The following PARD3B variants were observed in gnomAD, a reference collection of about 807,000 sequenced individuals.
PARD3B encodes partitioning defective 3 homolog B.
PARD3B carries 103 observed loss-of-function variants against 130.2 expected under a neutral mutation model. The observed-to-expected ratio is 0.79, with a 90% confidence interval of 0.67 to 0.93. The LOEUF (loss-of-function observed/expected upper bound fraction) is 0.93. Ranked by LOEUF, PARD3B falls within the 40% of genes least tolerant of loss-of-function variation. PARD3B has a pLI of 0.00. For synonymous variants in PARD3B, 583 were observed against 553.2 expected, an observed-to-expected ratio of 1.05 and a Z score of -0.76; for missense variants, 1,609 against 1,499.2, an observed-to-expected ratio of 1.07 and a Z score of -1.21.
At chr2:204,807,601 C>A (rs2042817862) in intron 2 of PARD3B, among the ~76,000 whole-genome samples, 1 of 152,028 alleles carries the variant, frequency 6.6e-6, no homozygotes, top group Non-Finnish European at 1.5e-5. Context: ...CCCAAGGATT[C>A]ATCAACGGAT....
intron 2 of PARD3B, among the ~76,000 whole-genome samples, chr2:204,860,062 C>G (rs115418749): frequency 6.6e-6 from 1 of 152,044 alleles, no homozygotes; most frequent in African/African-American, 2.4e-5. Context: ...TGTAGAAATA[C>G]GGATTGTTTT....
intron 1 of PARD3B, among the ~76,000 whole-genome samples, chr2:204,561,889 G>A (rs779674757): frequency 1.3e-5 from 2 of 151,994 alleles, no homozygotes; most frequent in Non-Finnish European, 2.9e-5. Context: ...GAGTCACCGC[G>A]CCCGGCCATC....
At chr2:204,977,736 C>T (rs1053946385) in intron 3 of PARD3B, among the ~76,000 whole-genome samples, 4 of 136,602 alleles carry the variant, frequency 2.9e-5, no homozygotes, top group East Asian at 4.6e-4. Context: ...GGCGTGAGCC[C>T]GGGAGGCGGA....
chr2:204,744,871 A>G (rs1277286099), intron 2 of PARD3B, among the ~76,000 whole-genome samples: 1 of 152,192 alleles, frequency 6.6e-6, no homozygotes, highest in Non-Finnish European at 1.5e-5. Context: ...GTACCACTCT[A>G]ACCCATTCCC....
chr2:205,255,084 TCA>T (rs1210800359), intron 16 of PARD3B, among the ~76,000 whole-genome samples: 1 of 152,014 alleles, frequency 6.6e-6, no homozygotes, highest in Non-Finnish European at 1.5e-5. Context: ...TCCCAGCTAG[TCA>T]CAGTTACTCT....
intron 15 of PARD3B, among the ~76,000 whole-genome samples, chr2:205,227,236 T>C (rs2038603840): frequency 6.6e-6 from 1 of 152,158 alleles, no homozygotes; most frequent in Non-Finnish European, 1.5e-5. Flanking sequence ...TGTTTGTTGA[T>C]TTTTCTGTCT....
intron 2 of PARD3B, among the ~76,000 whole-genome samples, chr2:204,866,204 C>T (rs1174517821): frequency 6.6e-6 from 1 of 152,184 alleles, no homozygotes; most frequent in Non-Finnish European, 1.5e-5. Flanking sequence ...CAAGATGTGG[C>T]ATGGTAGAAT....
chr2:205,433,179 A>C (rs1189590555), intron 19 of PARD3B, among the ~76,000 whole-genome samples: 2 of 152,230 alleles, frequency 1.3e-5, no homozygotes, highest in Non-Finnish European at 2.9e-5. Context: ...TTGTTAGTTT[A>C]TAAAAGGTAT....
At chr2:204,845,647 C>A (rs1160624705) in intron 2 of PARD3B, among the ~76,000 whole-genome samples, 1 of 152,048 alleles carries the variant, frequency 6.6e-6, no homozygotes, top group Non-Finnish European at 1.5e-5. Context: ...TGGCTGATTT[C>A]TTTCAATTCT....
intron 21 of PARD3B, among the ~76,000 whole-genome samples, chr2:205,542,082 G>C (rs1157284175): frequency 7.1e-6 from 1 of 140,196 alleles, no homozygotes. Context: ...GGCGGAGGTT[G>C]CAGTAAGCTG....
rs1267887334 is a variant in PARD3B, at chr2:205,592,722, G to A, written c.3261-22734G>A. Among the ~76,000 whole-genome samples, 2 of 152,188 alleles carry A rather than the reference G, an allele frequency of 1.3e-5. No individual in the cohort carries two copies. The highest frequency in any genetic ancestry group is 2.9e-5 in the Non-Finnish European group (2 of 68,036). ...AGATGATTACTCAGTTAGCTCATAGGAGGGGCATCTGATTCAGAAGTAAAG... is the reference window on the plus strand; with the variant it reads ...AGATGATTACTCAGTTAGCTCATAGAAGGGGCATCTGATTCAGAAGTAAAG... On this transcript the variant is annotated intron_variant, in intron 22 of 22. Transcript: ENST00000406610. The surrounding 1 kb of genome is among the most constrained non-coding windows in gnomAD (Gnocchi z 4.5).
At chr2:205,504,296 G>GA (rs1309513284) in intron 21 of PARD3B, among the ~76,000 whole-genome samples, 1 of 152,130 alleles carries the variant, frequency 6.6e-6, no homozygotes, top group Admixed American at 6.5e-5. Context: ...AACCCTAGAA[G>GA]AAAACCTAGG....
rs140338813 is a variant in PARD3B, at chr2:204,621,251, G to A, written c.121-64930G>A. On this transcript the variant is annotated intron_variant, in intron 1 of 22. Coordinates refer to ENST00000406610, the MANE Select transcript of PARD3B (RefSeq NM_001302769.2). The stretch of plus-strand genomic sequence containing the variant: ...ACTGTCAAAAGGTTGGGGTTAGGAC[G>A]ACAAAACTTCTAACGCAATGCAGGA... Among the ~76,000 whole-genome samples the A allele has an allele frequency of 2.1e-3, 321 of 152,116 alleles. 1 individual carries two copies. The highest frequency in any genetic ancestry group is 6.8e-3 in the Middle Eastern group (2 of 294).
intron 2 of PARD3B, among the ~76,000 whole-genome samples, chr2:204,745,116 A>T (rs2040160877): frequency 6.6e-6 from 1 of 152,110 alleles, no homozygotes. Context: ...ACACTTAGTG[A>T]TAGAAAGATG....
intron 1 of PARD3B, among the ~76,000 whole-genome samples, chr2:204,553,668 A>C (rs868048482): frequency 3.6e-5 from 1 of 27,526 alleles, no homozygotes; most frequent in South Asian, 1.1e-3. Flanking sequence ...ATATATATAT[A>C]TATATATATA....
intron 3 of PARD3B, among the ~76,000 whole-genome samples, chr2:205,002,254 G>A (rs552714217): frequency 2.7e-4 from 41 of 152,274 alleles, no homozygotes; most frequent in African/African-American, 9.4e-4. Context: ...CTTGTAGACT[G>A]TTAACTACAT....
chr2:205,472,327 A>G (rs528264253), intron 20 of PARD3B, among the ~76,000 whole-genome samples: 12 of 152,100 alleles, frequency 7.9e-5, no homozygotes, highest in African/African-American at 2.9e-4. Context: ...GTGCCTTTCA[A>G]AGTTGTCCTA....
chr2:205,261,966 G>A (rs957081873), intron 16 of PARD3B, among the ~76,000 whole-genome samples: 4 of 151,972 alleles, frequency 2.6e-5, no homozygotes, highest in Non-Finnish European at 5.9e-5. Context: ...AGTCCTTTAG[G>A]TACTAAAACA....
chr2:204,874,367 T>A (rs2045755464), intron 2 of PARD3B, among the ~76,000 whole-genome samples: 1 of 152,150 alleles, frequency 6.6e-6, no homozygotes. Flanking sequence ...TCCTGAACAA[T>A]TTTAGGAAAA....
Sources: allele counts gnomAD v4.1 joint callset (sites outside exome capture counted in the v4.1 genomes callset), GRCh38; gene constraint gnomAD v4.1.1; non-coding constraint Gnocchi (gnomAD v3.1); transcripts MANE v1.5; gene names NCBI Gene and HGNC (gene_info 2026-07-23, HGNC 2026-07-21).